The following TTLL5 variants were observed in gnomAD, a reference collection of about 807,000 sequenced individuals.
TTLL5 encodes tubulin polyglutamylase TTLL5.
TTLL5 carries 132 observed loss-of-function variants against 168.4 expected under a neutral mutation model. That is an observed-to-expected ratio of 0.78 (90% confidence interval 0.68 to 0.91). TTLL5 has a LOEUF of 0.91. Among genes scored for constraint, TTLL5 ranks in the 40% least tolerant of loss-of-function variants. TTLL5 has a pLI of 0.00. For synonymous variants in TTLL5, 546 were observed against 558.6 expected, an observed-to-expected ratio of 0.98 and a Z score of 0.32; for missense variants, 1,545 against 1,581.5, an observed-to-expected ratio of 0.98 and a Z score of 0.39.
chr14:75,909,017 A>G (rs769358720), intron 31 of TTLL5, among the ~76,000 whole-genome samples: 2 of 152,048 alleles, frequency 1.3e-5, no homozygotes, highest in South Asian at 2.1e-4. Context: ...AGCTCAAGCA[A>G]TCCACCTGCC....
intron 27 of TTLL5, among the ~76,000 whole-genome samples, chr14:75,813,194 CTGTGTGTGTG>C (rs61154954): frequency 4.9e-5 from 7 of 142,524 alleles, no homozygotes; most frequent in East Asian, 4.1e-4. Context: ...CTGGAACAAG[CTGTGTGTGTG>C]TGTGTGTGTG....
At chr14:75,719,322 T>C (rs944092381) in intron 10 of TTLL5, among the ~76,000 whole-genome samples, 1 of 152,220 alleles carries the variant, frequency 6.6e-6, no homozygotes, top group African/African-American at 2.4e-5. Context: ...CCATTCCAAC[T>C]CAGTTCTGGT....
Position 75,779,713 on chromosome 14 carries a change from T to G in TTLL5, c.2515+11T>G, listed in dbSNP as rs933989138. 6.3e-7 allele frequency: 1 copy of G among 1,587,734 alleles called. No homozygotes were observed. The highest frequency in any genetic ancestry group is 1.9e-5 in the Admixed American group (1 of 51,374). ...GTGGGGCAAAAGGTGGTAAGTATACTGGTTAATGAACGAAAAATAAGAAGA... is the reference window on the plus strand; with the variant it reads ...GTGGGGCAAAAGGTGGTAAGTATACGGGTTAATGAACGAAAAATAAGAAGA... On this transcript the variant is annotated intron_variant, in intron 24 of 31. Transcript: ENST00000298832.
chr14:75,760,882 CAA>C (rs1890594606), intron 18 of TTLL5, among the ~76,000 whole-genome samples: 1 of 151,986 alleles, frequency 6.6e-6, no homozygotes, highest in Non-Finnish European at 1.5e-5. Flanking sequence ...CAATAAAAAA[CAA>C]ATAATGTTAT....
intron 30 of TTLL5, among the ~76,000 whole-genome samples, chr14:75,894,799 A>G (rs906791945): frequency 1.3e-5 from 2 of 152,340 alleles, no homozygotes; most frequent in East Asian, 3.9e-4. Context: ...ATGAAATACT[A>G]ATCAGAAGGA....
In TTLL5 at chr14:75,718,010, T is replaced by G. The variant is rs572351651; in HGVS notation, c.842+48T>G. The G allele has an allele frequency of 2.5e-4, 391 of 1,561,492 alleles. 1 individual carries two copies. The highest frequency in any genetic ancestry group is 3.3e-4 in the Non-Finnish European group (372 of 1,136,964). ...AAGTCAGAGGTGTCAGTCTCAGATG[T>G]GGGTGTTGTAGAGGTGGAAAGGTAA... On this transcript the variant is annotated intron_variant, in intron 10 of 31. Coordinates refer to ENST00000298832, the MANE Select transcript of TTLL5 (RefSeq NM_015072.5).
At chr14:75,908,665 C>A (rs2033245341) in intron 31 of TTLL5, among the ~76,000 whole-genome samples, 1 of 152,166 alleles carries the variant, frequency 6.6e-6, no homozygotes, top group African/African-American at 2.4e-5. Context: ...GTATGCTGCC[C>A]AGGGCAAGTG....
At chr14:75,788,206 C>G (rs114969219) in intron 26 of TTLL5, among the ~76,000 whole-genome samples, 1,664 of 152,064 alleles carry the variant, frequency 0.011, 32 homozygotes, top group East Asian at 0.037. Context: ...TGCTAAATGT[C>G]TGGCTTTAGA....
At position 75,775,583 on chromosome 14, in the gene TTLL5, A is replaced by G. The variant is rs751261703; in HGVS notation, c.2236A>G (p.Arg746Gly). 1 of 1,614,148 alleles carries G rather than the reference A, an allele frequency of 6.2e-7. No homozygotes were observed. The highest frequency in any genetic ancestry group is 8.5e-7 in the Non-Finnish European group (1 of 1,180,000). Residue 746 changes from arginine to glycine, a missense_variant, in exon 22 of 32, where the codon AGA (arginine) becomes GGA (glycine). Coordinates refer to ENST00000298832, the MANE Select transcript of TTLL5 (RefSeq NM_015072.5). The part of the protein sequence containing the change: ...SRRLALLERR[R>G]ILAHQLGDFI... ...ACGATTGGCACTTCTGGAACGCAGA[A>G]GAATCCTGGCCCACCAGCTGGGTGA...
At chr14:75,796,892 G>A (rs189465208) in intron 27 of TTLL5, among the ~76,000 whole-genome samples, 1 of 152,072 alleles carries the variant, frequency 6.6e-6, no homozygotes, top group Admixed American at 6.6e-5. Context: ...TTGCTTAGTT[G>A]TGTTTTGGCT....
In TTLL5 at chr14:75,828,246, G is replaced by A. The variant is rs560620983; in HGVS notation, c.3326+8085G>A. ...TGAATAACTCAGGTTTGAGCTGCTC[G>A]AATCTACTTATATGTGGCTTTTCTT... On this transcript the variant is annotated intron_variant, in intron 28 of 31. Coordinates refer to ENST00000298832, the MANE Select transcript of TTLL5 (RefSeq NM_015072.5). 1.3e-3 allele frequency among the ~76,000 whole-genome samples: 199 copies of A among 152,168 alleles called. 1 individual carries two copies. Among genetic ancestry groups the A allele is most frequent in the African/African-American group, 1.1e-3 (45 of 41,490 alleles).
At chr14:75,896,680 A>G (rs1030582108) in intron 30 of TTLL5, among the ~76,000 whole-genome samples, 2 of 152,336 alleles carry the variant, frequency 1.3e-5, no homozygotes, top group Non-Finnish European at 2.9e-5. Context: ...CAACCTTGTG[A>G]AGTAATGAAC....
chr14:75,665,585 G>A (rs1464171553), intron 2 of TTLL5, among the ~76,000 whole-genome samples: 1 of 152,226 alleles, frequency 6.6e-6, no homozygotes, highest in Non-Finnish European at 1.5e-5. Context: ...TTGGCCAGGT[G>A]CAGTGGCTCA....
At chr14:75,907,247 TCCTC>T (rs916519605) in intron 31 of TTLL5, among the ~76,000 whole-genome samples, 1 of 152,154 alleles carries the variant, frequency 6.6e-6, no homozygotes, top group Admixed American at 6.5e-5. Context: ...GTAAACCTCA[TCCTC>T]CATCCAACCA....
chr14:75,685,687 G>A (rs962421110), intron 5 of TTLL5, among the ~76,000 whole-genome samples: 2 of 152,128 alleles, frequency 1.3e-5, no homozygotes, highest in African/African-American at 4.8e-5. Flanking sequence ...AGGTCCCATT[G>A]CAGATTCATG....
intron 21 of TTLL5, among the ~76,000 whole-genome samples, chr14:75,773,951 GAGAGAA>G (rs1368844148): frequency 0.019 from 721 of 37,364 alleles, 1 homozygote; most frequent in Middle Eastern, 0.037. Flanking sequence ...GAGAGAGAGA[GAGAGAA>G]AGAGAGAGAG....
At chr14:75,938,488 TA>T (rs2034498288) in intron 31 of TTLL5, among the ~76,000 whole-genome samples, 1 of 152,238 alleles carries the variant, frequency 6.6e-6, no homozygotes, top group East Asian at 1.9e-4. Context: ...TGACTTTATG[TA>T]AATTGCCTGT....
chr14:75,949,138 T>C (rs1483557082), intron 31 of TTLL5, among the ~76,000 whole-genome samples: 1 of 152,030 alleles, frequency 6.6e-6, no homozygotes, highest in Non-Finnish European at 1.5e-5. Context: ...AACGTTCAAA[T>C]AGACTATTGG....
At chr14:75,706,234 A>G (rs888581389) in intron 7 of TTLL5, among the ~76,000 whole-genome samples, 2 of 152,168 alleles carry the variant, frequency 1.3e-5, no homozygotes, top group African/African-American at 4.8e-5. Context: ...GTAACCTGGC[A>G]TCTTGTATTT....
Sources: allele counts gnomAD v4.1 joint callset (sites outside exome capture counted in the v4.1 genomes callset), GRCh38; gene constraint gnomAD v4.1.1; transcripts MANE v1.5; gene names NCBI Gene and HGNC (gene_info 2026-07-23, HGNC 2026-07-21).